ERBB4: variants seen among roughly 807,000 people sequenced by gnomAD.
The protein encoded by ERBB4 is receptor tyrosine-protein kinase erbB-4.
In ERBB4, 42 loss-of-function variants were observed where a neutral mutation model predicts 158.0. The ratio of observed to expected loss-of-function variants is 0.27; its 90% confidence interval spans 0.21 to 0.34. ERBB4 has a LOEUF of 0.34. Ranked by LOEUF, ERBB4 falls within the 10% of genes least tolerant of loss-of-function variation. The pLI, the probability that ERBB4 is intolerant of heterozygous loss-of-function variation, is 1.00. For synonymous variants in ERBB4, 583 were observed against 558.7 expected, an observed-to-expected ratio of 1.04 and a Z score of -0.61; for missense variants, 1,333 against 1,624.1, an observed-to-expected ratio of 0.82 and a Z score of 3.08.
At chr2:211,997,441 T>C (rs2125270570) in intron 2 of ERBB4, among the ~76,000 whole-genome samples, 1 of 152,226 alleles carries the variant, frequency 6.6e-6, no homozygotes, top group South Asian at 2.1e-4. Context: ...CACATTAAAT[T>C]AAGGGAAAAC....
chr2:212,022,640 C>A (rs561103111), intron 2 of ERBB4, among the ~76,000 whole-genome samples: 2 of 151,994 alleles, frequency 1.3e-5, no homozygotes, highest in African/African-American at 4.8e-5. Flanking sequence ...CACACATTTA[C>A]CTATGTAACA....
At chr2:212,242,537 T>A (rs2084147854) in intron 1 of ERBB4, among the ~76,000 whole-genome samples, 2 of 152,264 alleles carry the variant, frequency 1.3e-5, no homozygotes, top group Admixed American at 1.3e-4. Context: ...TGGTAGAAAT[T>A]TCCAATGAGA....
chr2:212,519,140 C>T lies in ERBB4; in HGVS notation c.82+19309G>A, dbSNP rs1692007045. ...TTTCTACACTCTTTTTCTCAAAGCA[C>T]AAATAAATCCAGAGAGGCTTACTAG... is the stretch of plus-strand genomic sequence containing the variant. On this transcript the variant is annotated intron_variant, in intron 1 of 27. Transcript: ENST00000342788. Among the ~76,000 whole-genome samples the T allele has an allele frequency of 2.0e-5, 3 of 151,924 alleles. No homozygotes were observed. The South Asian group carries it at 6.2e-4, about 31-fold the overall frequency.
intron 3 of ERBB4, among the ~76,000 whole-genome samples, chr2:211,840,084 C>T (rs554140495): frequency 6.6e-6 from 1 of 151,942 alleles, no homozygotes; most frequent in African/African-American, 2.4e-5. Context: ...TGTGTACCTA[C>T]CCAAATCTCA....
chr2:212,499,375 T>C lies in ERBB4; in HGVS notation c.82+39074A>G, dbSNP rs1211468817. Among the ~76,000 whole-genome samples, 3 of 152,262 alleles carry C rather than the reference T, an allele frequency of 2.0e-5. No homozygotes were observed. In the East Asian group the frequency reaches 5.8e-4, roughly 29 times the overall value. Reference sequence around the variant, plus strand: ...TAGTGGTTAGGTAGTACCAACTTAATGAAGACCTTGAAATTGAGGCAGAAT... The same window carrying C: ...TAGTGGTTAGGTAGTACCAACTTAACGAAGACCTTGAAATTGAGGCAGAAT... On this transcript the variant is annotated intron_variant, in intron 1 of 27. Coordinates refer to ENST00000342788, the MANE Select transcript of ERBB4 (RefSeq NM_005235.3).
At chr2:212,491,169 T>C (rs945581178) in intron 1 of ERBB4, among the ~76,000 whole-genome samples, 1 of 151,646 alleles carries the variant, frequency 6.6e-6, no homozygotes, top group Non-Finnish European at 1.5e-5. Flanking sequence ...ACGTCTGTAT[T>C]GTTTTAGCCC....
intron 2 of ERBB4, among the ~76,000 whole-genome samples, chr2:212,073,691 A>G (rs1416524741): frequency 3.3e-5 from 5 of 151,990 alleles, no homozygotes; most frequent in Admixed American, 3.3e-4. Flanking sequence ...AAGAGTGATG[A>G]GTGGATCTGG....
At chr2:212,210,524 T>G (rs1489424671) in intron 1 of ERBB4, among the ~76,000 whole-genome samples, 1 of 152,090 alleles carries the variant, frequency 6.6e-6, no homozygotes, top group Non-Finnish European at 1.5e-5. Flanking sequence ...TTATAATATC[T>G]AGTTTATGAT....
intron 25 of ERBB4, among the ~76,000 whole-genome samples, chr2:211,417,461 G>A (rs1185917991): frequency 6.6e-6 from 1 of 152,142 alleles, no homozygotes; most frequent in Non-Finnish European, 1.5e-5. Flanking sequence ...GTGACAGAGT[G>A]AGATCCTGTC....
intron 1 of ERBB4, among the ~76,000 whole-genome samples, chr2:212,534,831 G>A (rs750177548): frequency 1.3e-5 from 2 of 152,068 alleles, no homozygotes; most frequent in African/African-American, 2.4e-5. Flanking sequence ...GAGGAAATAC[G>A]ATTTTCCATC....
chr2:211,649,509 T>C (rs1002367844), intron 16 of ERBB4, among the ~76,000 whole-genome samples: 1 of 151,878 alleles, frequency 6.6e-6, no homozygotes, highest in African/African-American at 2.4e-5. Flanking sequence ...TCTCTGGGAT[T>C]TGAACTCTCG....
chr2:211,836,718 C>G (rs1333469611), intron 3 of ERBB4, among the ~76,000 whole-genome samples: 1 of 152,022 alleles, frequency 6.6e-6, no homozygotes, highest in African/African-American at 2.4e-5. Context: ...CTATGAATAG[C>G]AGTTTCAGGT....
chr2:212,484,588 G>C (rs1357718577), intron 1 of ERBB4, among the ~76,000 whole-genome samples: 1 of 152,100 alleles, frequency 6.6e-6, no homozygotes, highest in Non-Finnish European at 1.5e-5. Context: ...TTAAAATAGT[G>C]TTGTACATAA....
chr2:211,563,529 C>G (rs565332253), intron 19 of ERBB4, among the ~76,000 whole-genome samples: 1 of 152,080 alleles, frequency 6.6e-6, no homozygotes, highest in Non-Finnish European at 1.5e-5. Context: ...AGAAATAGAG[C>G]AATGTTGCAT....
At chr2:212,240,094 C>A (rs988035361) in intron 1 of ERBB4, among the ~76,000 whole-genome samples, 1 of 152,102 alleles carries the variant, frequency 6.6e-6, no homozygotes, top group Admixed American at 6.5e-5. Context: ...ATACTCGTAG[C>A]AAATTAAATG....
At chr2:212,038,501 A>G (rs1421112170) in intron 2 of ERBB4, among the ~76,000 whole-genome samples, 2 of 152,170 alleles carry the variant, frequency 1.3e-5, no homozygotes, top group Admixed American at 1.3e-4. Flanking sequence ...CGGCTGTTCA[A>G]AAATGTATGT....
chr2:212,464,218 CT>C (rs1338199925), intron 1 of ERBB4, among the ~76,000 whole-genome samples: 1 of 152,014 alleles, frequency 6.6e-6, no homozygotes, highest in Non-Finnish European at 1.5e-5. Flanking sequence ...TTTGGTTCTA[CT>C]TTTTTCACTA....
intron 19 of ERBB4, among the ~76,000 whole-genome samples, chr2:211,570,413 ACCTTGGCCCCC>A (rs1317738989): frequency 7.0e-5 from 9 of 128,602 alleles, no homozygotes; most frequent in Non-Finnish European, 1.1e-4. Context: ...TGATCCACCC[ACCTTGGCCCCC>A]CAAAGTGCTA....
chr2:211,488,678 T>C (rs1026613123), intron 20 of ERBB4, among the ~76,000 whole-genome samples: 1 of 152,026 alleles, frequency 6.6e-6, no homozygotes, highest in African/African-American at 2.4e-5. Flanking sequence ...AAAACTTACC[T>C]GAAAAGGAAA....
Sources: gnomAD v4.1 joint callset for allele counts (sites outside exome capture counted in the v4.1 genomes callset) on GRCh38, gnomAD v4.1.1 for gene constraint, MANE v1.5 for transcripts, NCBI Gene and HGNC (gene_info 2026-07-23, HGNC 2026-07-21) for gene names.